Variants in SOX6 observed in about 807,000 individuals in gnomAD.
The protein encoded by SOX6 is SRY-box transcription factor 6, also known as transcription factor SOX-6.
SOX6 carries 11 observed loss-of-function variants against 97.8 expected under a neutral mutation model. The ratio of observed to expected loss-of-function variants is 0.11; its 90% CI spans 0.07 to 0.19. The LOEUF is 0.19. Ranked by LOEUF, SOX6 falls within the 10% of genes least tolerant of loss-of-function variation. The pLI, the probability that SOX6 is intolerant of heterozygous loss-of-function variation, is 1.00. For synonymous variants in SOX6, 360 were observed against 371.4 expected (o/e 0.97, Z 0.35); for missense variants, 810 against 1,039.5 (o/e 0.78, Z 3.04).
At chr11:16,533,428 A>G (rs1166095099) in intron 4 of SOX6, among the ~76,000 whole-genome samples, 1 of 151,996 alleles carries the variant, frequency 6.6e-6, no homozygotes, top group Non-Finnish European at 1.5e-5. Flanking sequence ...AGATCTGAGA[A>G]GTCATATTCT....
At chr11:16,424,265 A>G (rs776819462) in intron 1 of SOX6, among the ~76,000 whole-genome samples, 4 of 152,226 alleles carry the variant, frequency 2.6e-5, no homozygotes, top group Non-Finnish European at 5.9e-5. Context: ...AAGAAATCTG[A>G]ATTATTTGTG....
chr11:16,732,400 C>A (rs1364965705), intron 2 of SOX6, among the ~76,000 whole-genome samples: 1 of 152,088 alleles, frequency 6.6e-6, no homozygotes, highest in Non-Finnish European at 1.5e-5. Flanking sequence ...TATAGACCAA[C>A]AGAACAGAAC....
At chr11:16,563,146 A>T in intron 4 of SOX6, among the ~76,000 whole-genome samples, 1 of 152,248 alleles carries the variant, frequency 6.6e-6, no homozygotes, top group Non-Finnish European at 1.5e-5. Flanking sequence ...ATGATAAAAA[A>T]TATATAAATG....
intron 4 of SOX6, among the ~76,000 whole-genome samples, chr11:16,561,165 G>T (rs1384684223): frequency 1.3e-5 from 2 of 152,000 alleles, no homozygotes; most frequent in African/African-American, 4.8e-5. Context: ...TAAAGGGGAG[G>T]AATAAGAAAG....
intron 10 of SOX6, among the ~76,000 whole-genome samples, chr11:16,055,493 A>G (rs1847791171): frequency 6.6e-6 from 1 of 152,210 alleles, no homozygotes; most frequent in African/African-American, 2.4e-5. Context: ...TTAAAAAATA[A>G]AAGCCAGAAT....
intron 6 of SOX6, among the ~76,000 whole-genome samples, chr11:16,150,685 C>A (rs1850436427): frequency 6.6e-6 from 1 of 152,214 alleles, no homozygotes; most frequent in Non-Finnish European, 1.5e-5. Flanking sequence ...CATTCACCCA[C>A]TTAGCTTAAT....
At chr11:16,218,488 C>A (rs1163753050) in intron 4 of SOX6, among the ~76,000 whole-genome samples, 1 of 151,986 alleles carries the variant, frequency 6.6e-6, no homozygotes, top group Non-Finnish European at 1.5e-5. Context: ...TTTAATCAGA[C>A]AACTTGCATT....
intron 4 of SOX6, among the ~76,000 whole-genome samples, chr11:16,206,205 T>G (rs1404823553): frequency 2.0e-5 from 3 of 152,132 alleles, no homozygotes; most frequent in Admixed American, 6.5e-5. Flanking sequence ...TATTCTGCAT[T>G]ATAAAGGTCA....
chr11:16,468,374 T>C (rs906640110), intron 1 of SOX6, among the ~76,000 whole-genome samples: 4 of 152,184 alleles, frequency 2.6e-5, no homozygotes, highest in African/African-American at 9.6e-5. Context: ...GTTACAATAA[T>C]TATTTTGCTA....
chr11:16,721,896 C>T (rs1195910092), intron 2 of SOX6, among the ~76,000 whole-genome samples: 1 of 151,766 alleles, frequency 6.6e-6, no homozygotes, highest in Non-Finnish European at 1.5e-5. Context: ...ACATCTACAA[C>T]CATCTGACCT....
chr11:16,553,428 C>A (rs573537522), intron 4 of SOX6, among the ~76,000 whole-genome samples: 1 of 152,278 alleles, frequency 6.6e-6, no homozygotes, highest in South Asian at 2.1e-4. Context: ...GGGGCAGTAA[C>A]TTCCAGGTCA....
At chr11:16,387,998 A>C (rs1040727937) in intron 1 of SOX6, among the ~76,000 whole-genome samples, 3 of 152,152 alleles carry the variant, frequency 2.0e-5, no homozygotes, top group African/African-American at 2.4e-5. Context: ...ATGAATGAGC[A>C]TGGACAGTAT....
At chr11:16,234,463 T>G (rs1852955228) in intron 4 of SOX6, 119 bp downstream of exon 4, 1 of 651,226 alleles carries the variant, frequency 1.5e-6, no homozygotes, top group East Asian at 3.0e-5. Context: ...CCCTCTCATG[T>G]ACAATCAAAT....
At chr11:16,692,975 C>T (rs1198777874) in intron 3 of SOX6, among the ~76,000 whole-genome samples, 2 of 152,060 alleles carry the variant, frequency 1.3e-5, no homozygotes, top group Non-Finnish European at 1.5e-5. Flanking sequence ...TCATATGATT[C>T]GTTCTAATAA....
chr11:16,049,620 G>A (rs1847633371), intron 11 of SOX6, 135 bp downstream of exon 11: 2 of 1,037,896 alleles, frequency 1.9e-6, no homozygotes, highest in African/African-American at 3.2e-5. Context: ...ATTGGGTTAT[G>A]TTTCAGTAGA....
At position 16,132,338 on chromosome 11, in the gene SOX6, AAAAGAAAGAAAGAAAG is replaced by A. The variant is rs869051811; in HGVS notation, c.778-20431_778-20416del. ...AGGAAGGAAGGAAGGAAGGAAAGAA[AAAAGAAAGAAAGAAAG>A]AAAGAAAGAAAGAAAGAAAGAAAGA... On this transcript the variant is annotated intron_variant, in intron 6 of 15. Coordinates refer to ENST00000683767, the MANE Select transcript of SOX6 (RefSeq NM_001367873.1). Among the ~76,000 whole-genome samples, 127 of 40,672 alleles carry A rather than the reference AAAAGAAAGAAAGAAAG, an allele frequency of 3.1e-3. 1 individual carries two copies. The highest frequency in any genetic ancestry group is 6.0e-3 in the South Asian group (6 of 1,006). 26.7% of individuals were successfully genotyped at this position (40,672 alleles called of 152,430 possible). A position where few individuals can be genotyped will look rare whatever the true frequency, so the allele number is the denominator to read the frequency against.
intron 10 of SOX6, among the ~76,000 whole-genome samples, chr11:16,051,978 A>G (rs928216293): frequency 1.3e-5 from 2 of 149,660 alleles, no homozygotes; most frequent in African/African-American, 5.0e-5. Flanking sequence ...TGCTAAACCC[A>G]TCTAGTATAT....
intron 3 of SOX6, among the ~76,000 whole-genome samples, chr11:16,636,165 A>C (rs571393415): frequency 6.6e-6 from 1 of 152,328 alleles, no homozygotes; most frequent in South Asian, 2.1e-4. Context: ...ACAGACATTC[A>C]ATACCAGTCA....
At position 15,980,806 on chromosome 11, in the gene SOX6, C is replaced by G. The variant is rs140411281; in HGVS notation, c.2183+5398G>C. ...TCTCTTCCTCTGAGCTTTATTTGCT[C>G]TTGTCTACAAAATGAAGATTAGTAG... On this transcript the variant is annotated intron_variant, in intron 15 of 15. Transcript: ENST00000683767. Among the ~76,000 whole-genome samples, 6 of 152,064 alleles carry G rather than the reference C, an allele frequency of 3.9e-5. No homozygotes were observed. The East Asian group carries it at 1.2e-3, about 29-fold the overall frequency.
Sources: allele counts gnomAD v4.1 joint callset (sites outside exome capture counted in the v4.1 genomes callset), GRCh38; gene constraint gnomAD v4.1.1; transcripts MANE v1.5; gene names NCBI Gene and HGNC (gene_info 2026-07-23, HGNC 2026-07-21).